Variants in ATP11C observed in about 807,000 individuals in gnomAD.
The protein encoded by ATP11C is ATPase phospholipid transporting 11C (ATP11C blood group).
Under a neutral mutation model 97.4 loss-of-function variants are expected in ATP11C, and 36 were observed. The ratio of observed to expected loss-of-function variants is 0.37; its 90% confidence interval spans 0.28 to 0.49. The LOEUF (loss-of-function observed/expected upper bound fraction) is 0.49, where lower values mean the gene tolerates loss of function less well. ATP11C is among the 20% of genes least tolerant of loss of function. The pLI is 0.98. For synonymous variants in ATP11C, 275 were observed against 290.9 expected, an observed-to-expected ratio of 0.95 and a Z score of 0.56; for missense variants, 730 against 824.6, an observed-to-expected ratio of 0.89 and a Z score of 1.40.
At chrX:139,876,883 G>T (rs2084483164) in intron 1 of ATP11C, among the ~76,000 whole-genome samples, 2 of 112,400 alleles carry the variant, frequency 1.8e-5, no homozygotes, top group Admixed American at 1.9e-4. Flanking sequence ...CAGTAAGAGG[G>T]TTATTTAAAA....
Position 139,910,874 on chromosome X carries a change from AAC to A in ATP11C, c.27+21140_27+21141del, listed in dbSNP as rs753888199. Among the ~76,000 whole-genome samples the A allele has an allele frequency of 2.7e-5, 3 of 111,705 alleles. No homozygotes were observed. In the South Asian group the frequency reaches 1.1e-3, roughly 42 times the overall value. On this transcript the variant is annotated intron_variant, in intron 1 of 29. Transcript: ENST00000682941. ...AAAAAAGAACACTGCATATTCTGAA[AAC>A]ACAGTCACATATCCGAAATCTACTT... is the stretch of plus-strand genomic sequence containing the variant.
chrX:139,757,995 A>T (rs2081970472), intron 22 of ATP11C, 128 bp from the exon 23 acceptor site: 4 of 417,161 alleles, frequency 9.6e-6, no homozygotes, highest in Non-Finnish European at 1.6e-5. Flanking sequence ...AATGCAATAA[A>T]CCTCTATTCC....
chrX:139,927,465 G>A (rs1216948692), intron 1 of ATP11C, among the ~76,000 whole-genome samples: 4 of 110,860 alleles, frequency 3.6e-5, no homozygotes, highest in African/African-American at 1.3e-4. Context: ...TTAGCCAGGC[G>A]TGGTGGCAGG....
rs1333137198 is a variant in ATP11C at position 139,782,591 on chromosome X, A to C, written c.1908T>G (p.Ile636Met). The C allele has an allele frequency of 8.3e-7, 1 of 1,207,078 alleles. No individual in the cohort carries two copies. The highest frequency in any genetic ancestry group is 2.2e-5 in the Admixed American group (1 of 45,670). ...CTCCAATTAAATTCATGTTTGTCTC[A>C]ATATCATCGAAAACTTTTTCCATTT... Reference protein sequence around the residue: ...EEKMEKVFDDIETNMNLIGAT... With the variant: ...EEKMEKVFDDMETNMNLIGAT... Residue 636 changes from isoleucine to methionine, a missense_variant, in exon 18 of 30, where the codon ATT becomes ATG. Physicochemically the swap from Ile to Met is conservative, Grantham distance 10. Transcript: ENST00000682941.
intron 1 of ATP11C, among the ~76,000 whole-genome samples, chrX:139,887,077 C>G (rs67539438): frequency 0.051 from 5,626 of 111,300 alleles, 242 homozygotes; most frequent in East Asian, 0.29. Context: ...ACAAGGATGC[C>G]AAGCTAATTC....
intron 23 of ATP11C, among the ~76,000 whole-genome samples, chrX:139,755,513 G>A (rs1465901779): frequency 1.8e-5 from 2 of 111,466 alleles, no homozygotes; most frequent in Non-Finnish European, 3.8e-5. Flanking sequence ...CCAAAAAAGA[G>A]CCCAAATAGC....
At chrX:139,919,695 G>A (rs187063158) in intron 1 of ATP11C, among the ~76,000 whole-genome samples, 89 of 112,412 alleles carry the variant, frequency 7.9e-4, no homozygotes, top group Middle Eastern at 4.7e-3. Flanking sequence ...CAAGGTGGGC[G>A]GATGACCTAA....
intron 12 of ATP11C, among the ~76,000 whole-genome samples, chrX:139,791,680 G>T (rs1472527270): frequency 1.8e-5 from 2 of 110,657 alleles, no homozygotes; most frequent in African/African-American, 6.6e-5. Flanking sequence ...CAGAACCACC[G>T]CCCTAATATA....
chrX:139,771,685 CAG>C (rs964385007), intron 19 of ATP11C, among the ~76,000 whole-genome samples: 3 of 111,700 alleles, frequency 2.7e-5, no homozygotes, highest in Non-Finnish European at 5.6e-5. Flanking sequence ...TATGTTTTAG[CAG>C]AGAGACTGGT....
Position 139,762,105 on chromosome X carries a change from A to G in ATP11C, c.2496T>C (p.Gly832=). Reference sequence around the variant, plus strand: ...CTTGGCGACCTTCTTTGCCTTTAATACCTAAAAGAGAGTATCTCTATATGG... The same window carrying G: ...CTTGGCGACCTTCTTTGCCTTTAATGCCTAAAAGAGAGTATCTCTATATGG... ...SMILESHVGI[G]IKGKEGRQAA... is the part of the protein sequence containing the mutation. Residue 832 remains glycine (G), a splice_region_variant and synonymous_variant, in exon 22 of 30, where the codon GGT becomes GGC. Transcript: ENST00000682941. 8.4e-7 allele frequency: 1 copy of G among 1,194,624 alleles called. No homozygotes were observed. Among genetic ancestry groups the G allele is most frequent in the Non-Finnish European group, 1.1e-6 (1 of 884,659 alleles).
intron 9 of ATP11C, 63 bp from the exon 10 acceptor site, chrX:139,798,417 C>T: frequency 1.1e-6 from 1 of 915,201 alleles, no homozygotes; most frequent in Non-Finnish European, 1.5e-6. Flanking sequence ...ACCCAGCTGG[C>T]TCTATGAATT....
In ATP11C at chrX:139,932,720, C is replaced by G. The variant is rs1235941759; in HGVS notation, c.-678G>C. On this transcript the variant is annotated 5_prime_UTR_variant, in exon 1 of 30. Transcript: ENST00000682941. Reference sequence around the variant, plus strand: ...GCCGCGCCGCCCCGCGCTCTGGTCCCGCACTCGGGCCAGGGAGCCTGGGTA... The same window carrying G: ...GCCGCGCCGCCCCGCGCTCTGGTCCGGCACTCGGGCCAGGGAGCCTGGGTA... 3 of 112,626 alleles carry G rather than the reference C, an allele frequency of 2.7e-5. No individual in the cohort carries two copies. The highest frequency in any genetic ancestry group is 2.9e-4 in the East Asian group (1 of 3,489). 9.3% of individuals were successfully genotyped at this position (112,626 alleles called of 1,213,427 possible).
At chrX:139,890,349 A>G (rs2084708276) in intron 1 of ATP11C, among the ~76,000 whole-genome samples, 1 of 111,047 alleles carries the variant, frequency 9.0e-6, no homozygotes, top group Admixed American at 9.6e-5. Context: ...TAGGTAACAA[A>G]ACAAGACCTC....
chrX:139,881,077 C>T (rs2084554476), intron 1 of ATP11C, among the ~76,000 whole-genome samples: 1 of 111,852 alleles, frequency 8.9e-6, no homozygotes, highest in African/African-American at 3.2e-5. Context: ...CAGAGTCCTG[C>T]TTCTATTGCA....
rs1220516904 is a variant in ATP11C at position 139,899,675 on chromosome X, A to G, written c.27+32341T>C. Among the ~76,000 whole-genome samples the G allele has an allele frequency of 2.7e-5, 3 of 111,778 alleles. No homozygotes were observed. In the Admixed American group the frequency reaches 2.9e-4, roughly 11 times the overall value. On this transcript the variant is annotated intron_variant, in intron 1 of 29. Transcript: ENST00000682941. ...AATAGGGAAAATGGGTGCAGGATAT[A>G]TGGAAACTACACGATCTTTATAACT...
chrX:139,825,886 C>T (rs1016958018), intron 2 of ATP11C, among the ~76,000 whole-genome samples: 2 of 112,323 alleles, frequency 1.8e-5, no homozygotes, highest in Admixed American at 9.4e-5. Flanking sequence ...TAGCACCTAA[C>T]CTGGTCAGCC....
intron 1 of ATP11C, among the ~76,000 whole-genome samples, chrX:139,895,748 C>T (rs765527512): frequency 2.1e-4 from 24 of 111,782 alleles, no homozygotes; most frequent in Non-Finnish European, 3.6e-4. Context: ...TTATAGTAGA[C>T]GCATCTAAAC....
At chrX:139,849,836 G>A (rs1037888120) in intron 1 of ATP11C, among the ~76,000 whole-genome samples, 3 of 112,465 alleles carry the variant, frequency 2.7e-5, no homozygotes, top group African/African-American at 9.7e-5. Context: ...ATGGATTAAT[G>A]TCATAATTGC....
chrX:139,853,503 A>T (rs1194113343), intron 1 of ATP11C, among the ~76,000 whole-genome samples: 1 of 110,921 alleles, frequency 9.0e-6, no homozygotes, highest in Non-Finnish European at 1.9e-5. Context: ...ATATACAAGT[A>T]GTTAAGAAAA....
Sources: gnomAD v4.1 joint callset for allele counts (sites outside exome capture counted in the v4.1 genomes callset) on GRCh38, gnomAD v4.1.1 for gene constraint, MANE v1.5 for transcripts, NCBI Gene and HGNC (gene_info 2026-07-23, HGNC 2026-07-21) for gene names.